The following TMEM74 variants were observed in gnomAD, a reference collection of about 807,000 sequenced individuals.
TMEM74 encodes transmembrane protein 74.
Under a neutral mutation model 18.1 loss-of-function variants are expected in TMEM74, and 13 were observed. The observed-to-expected ratio is 0.72, with a 90% CI of 0.47 to 1.14. The LOEUF is 1.14. Ranked by LOEUF, TMEM74 falls within the 50% of genes most tolerant of loss-of-function variation. The pLI, the probability that TMEM74 is intolerant of heterozygous loss-of-function variation, is 0.00. For synonymous variants in TMEM74, 159 were observed against 146.6 expected (o/e 1.08, Z -0.61); for missense variants, 372 against 375.9 (o/e 0.99, Z 0.09).
Position 108,784,198 on chromosome 8 carries a change from G to A in TMEM74, c.901C>T (p.Leu301Phe), listed in dbSNP as rs781654653. Residue 301 changes from leucine (L) to phenylalanine (F), a missense_variant, in exon 2 of 2, where the codon CTT (leucine) becomes TTT (phenylalanine). Physicochemically the swap from Leu to Phe is conservative, Grantham distance 22 (BLOSUM62 0). Transcript: ENST00000297459. ...LELSLVEEDA[L>F]AVQS ...AACCAGAATTAACTCTGTACAGCAA[G>A]CGCATCTTCCTCTACCAAGGACAGT... The A allele has an allele frequency of 6.2e-7, 1 of 1,609,928 alleles. No individual in the cohort carries two copies. The highest frequency in any genetic ancestry group is 8.5e-7 in the Non-Finnish European group (1 of 1,177,172).
rs560003505 is a variant in TMEM74 at position 108,726,592 on chromosome 8, C to T, written n.119+60884G>A. 8.1e-4 allele frequency among the ~76,000 whole-genome samples: 123 copies of T among 152,166 alleles called. 1 individual carries two copies. The highest frequency in any genetic ancestry group is 1.5e-3 in the Non-Finnish European group (99 of 67,988). ...ACATTGCACCTGTTTGGGAGATTCA[C>T]GAATCTTATCAGTATATTAAAGCAT... On this transcript the variant is annotated intron_variant and non_coding_transcript_variant, in intron 1 of 3. Coordinates refer to the TMEM74 transcript ENST00000518838.
At chr8:108,756,698 AGG>A in intron 1 of TMEM74, among the ~76,000 whole-genome samples, 7 of 111,914 alleles carry the variant, frequency 6.3e-5, no homozygotes, top group African/African-American at 9.0e-5. Context: ...GAAAGAAAGA[AGG>A]AAGGAAAGAA....
chr8:108,630,412 C>T (rs1471237679), intron 2 of TMEM74, among the ~76,000 whole-genome samples: 1 of 152,040 alleles, frequency 6.6e-6, no homozygotes, highest in Non-Finnish European at 1.5e-5. Context: ...CAATATTAGA[C>T]AGATCGACGA....
chr8:108,620,183 T>G (rs916910741), intron 2 of TMEM74, among the ~76,000 whole-genome samples: 4 of 152,200 alleles, frequency 2.6e-5, no homozygotes, highest in African/African-American at 9.6e-5. Context: ...ATCTGATGTT[T>G]ATTTTCATCT....
chr8:108,704,763 C>T (rs1169602575), intron 1 of TMEM74, among the ~76,000 whole-genome samples: 2 of 152,174 alleles, frequency 1.3e-5, no homozygotes, highest in Non-Finnish European at 2.9e-5. Context: ...ATGGAGGCAT[C>T]AAACTCAGAC....
intron 1 of TMEM74, among the ~76,000 whole-genome samples, chr8:108,787,227 T>C (rs1410423734): frequency 6.6e-6 from 1 of 152,146 alleles, no homozygotes; most frequent in Non-Finnish European, 1.5e-5. Context: ...GGATGCGCCC[T>C]GTGCGAGCAA....
At chr8:108,615,864 G>A (rs922714441) in intron 2 of TMEM74, among the ~76,000 whole-genome samples, 4 of 123,500 alleles carry the variant, frequency 3.2e-5, no homozygotes, top group Non-Finnish European at 4.7e-5. Flanking sequence ...ACTGCTCACT[G>A]CAACCTCCGC....
At chr8:108,607,733 C>T (rs951901484) in exon 4 of TMEM74, 1 of 152,128 alleles carries the variant, frequency 6.6e-6, no homozygotes, top group Non-Finnish European at 1.5e-5. Context: ...GCATCAATCC[C>T]AATCTTACAG....
At chr8:108,637,892 A>G (rs1473687393) in intron 2 of TMEM74, among the ~76,000 whole-genome samples, 2 of 152,154 alleles carry the variant, frequency 1.3e-5, no homozygotes, top group African/African-American at 2.4e-5. Flanking sequence ...GATCTATTTT[A>G]CCGCTTGTAT....
intron 1 of TMEM74, among the ~76,000 whole-genome samples, chr8:108,668,095 A>G (rs551335421): frequency 2.0e-5 from 3 of 152,214 alleles, no homozygotes; most frequent in Non-Finnish European, 2.9e-5. Flanking sequence ...GTTTGCCACT[A>G]AAATTTGGTT....
At chr8:108,672,490 C>G (rs1813013406) in intron 1 of TMEM74, among the ~76,000 whole-genome samples, 2 of 152,094 alleles carry the variant, frequency 1.3e-5, no homozygotes, top group African/African-American at 2.4e-5. Context: ...TGGTGTGTCT[C>G]CCTACTTAGG....
downstream of TMEM74, among the ~76,000 whole-genome samples, chr8:108,774,605 T>G (rs2129650036): frequency 6.6e-6 from 1 of 152,266 alleles, no homozygotes; most frequent in East Asian, 1.9e-4. Flanking sequence ...CACATTCCTT[T>G]GGTGCAAATT....
At chr8:108,623,887 C>T (rs1423288211) in intron 2 of TMEM74, among the ~76,000 whole-genome samples, 1 of 152,038 alleles carries the variant, frequency 6.6e-6, no homozygotes, top group African/African-American at 2.4e-5. Context: ...CTACACAGGG[C>T]ACTCCCCCTA....
At chr8:108,708,450 G>T (rs1177019977) in intron 1 of TMEM74, among the ~76,000 whole-genome samples, 3 of 151,946 alleles carry the variant, frequency 2.0e-5, no homozygotes, top group Non-Finnish European at 4.4e-5. Context: ...AGCTCTTTGA[G>T]GAATCACCAC....
At chr8:108,777,496 A>G, downstream of TMEM74, among the ~76,000 whole-genome samples, 1 of 152,338 alleles carries the variant, frequency 6.6e-6, no homozygotes, top group East Asian at 1.9e-4. Context: ...TTGATAAATC[A>G]CTATATTACC....
intron 1 of TMEM74, among the ~76,000 whole-genome samples, chr8:108,764,784 C>A (rs1157067938): frequency 6.6e-6 from 1 of 152,182 alleles, no homozygotes; most frequent in Non-Finnish European, 1.5e-5. Context: ...TCTCCACTTA[C>A]AATTTGCTGG....
At chr8:108,662,037 G>A (rs79797756) in intron 1 of TMEM74, among the ~76,000 whole-genome samples, 4,756 of 152,136 alleles carry the variant, frequency 0.031, 254 homozygotes, top group African/African-American at 0.11. Flanking sequence ...TTTTTACAGT[G>A]GGGTGAAAGA....
At chr8:108,722,637 A>G (rs1196625337) in intron 1 of TMEM74, among the ~76,000 whole-genome samples, 1 of 152,232 alleles carries the variant, frequency 6.6e-6, no homozygotes, top group Non-Finnish European at 1.5e-5. Flanking sequence ...CGTTTTGAGG[A>G]CTAAAGAGCT....
chr8:108,694,664 A>G (rs1813263057), intron 1 of TMEM74, among the ~76,000 whole-genome samples: 1 of 152,224 alleles, frequency 6.6e-6, no homozygotes. Flanking sequence ...GAGAAGTGGA[A>G]CCAACAAGAT....
Sources: gnomAD v4.1 joint callset for allele counts (sites outside exome capture counted in the v4.1 genomes callset) on GRCh38, gnomAD v4.1.1 for gene constraint, MANE v1.5 for transcripts, NCBI Gene and HGNC (gene_info 2026-07-23, HGNC 2026-07-21) for gene names.